Variants in RGS22 observed in about 807,000 individuals in gnomAD.
The protein encoded by RGS22 is regulator of G-protein signaling 22.
RGS22 carries 148 observed loss-of-function variants against 172.9 expected under a neutral mutation model. The observed-to-expected ratio is 0.86, with a 90% confidence interval of 0.75 to 0.98. RGS22 has a LOEUF of 0.98. Among genes scored for constraint, RGS22 ranks in the 50% least tolerant of loss-of-function variants. The probability of loss-of-function intolerance (pLI) is 0.00; values close to 1 mark genes in which losing one functional copy is unlikely to be tolerated. For missense variants in RGS22, 1,347 were observed against 1,440.8 expected, an observed-to-expected ratio of 0.93 and a Z score of 1.05; for synonymous variants, 458 against 480.2, an observed-to-expected ratio of 0.95 and a Z score of 0.60.
chr8:100,066,217 C>G lies in RGS22; in HGVS notation c.674G>C (p.Cys225Ser), dbSNP rs1330408632. The change falls in exon 7 of 28, where the codon TGT (cysteine) becomes TCT (serine). Residue 225 changes from cysteine (C) to serine (S), a missense_variant. Physicochemically the swap from Cys to Ser is moderately radical, Grantham distance 112. Coordinates refer to ENST00000360863, the MANE Select transcript of RGS22 (RefSeq NM_015668.5). ...TTTAAGTTTGTTGTAGGGTACACAA[C>G]AGGGTAACGAAAAGGTTGATACTGT... is the stretch of plus-strand genomic sequence containing the variant. ...QQTVSTFSLP[C>S]CVPYNKLKSP... The G allele has an allele frequency of 3.1e-6, 5 of 1,613,524 alleles. No homozygotes were observed. Among genetic ancestry groups the G allele is most frequent in the Non-Finnish European group, 4.2e-6 (5 of 1,179,556 alleles).
intron 6 of RGS22, among the ~76,000 whole-genome samples, chr8:100,070,652 TATA>T (rs1237807522): frequency 6.6e-6 from 1 of 152,240 alleles, no homozygotes; most frequent in Non-Finnish European, 1.5e-5. Context: ...TTTAATGGTG[TATA>T]ATGTGTTATT....
At chr8:99,991,882 C>T (rs1813766570) in intron 20 of RGS22, among the ~76,000 whole-genome samples, 1 of 152,150 alleles carries the variant, frequency 6.6e-6, no homozygotes, top group South Asian at 2.1e-4. Context: ...TCGAGTTACC[C>T]ACAAAGGGAG....
intron 9 of RGS22, among the ~76,000 whole-genome samples, chr8:100,055,782 G>C (rs1225090672): frequency 6.6e-6 from 1 of 152,138 alleles, no homozygotes; most frequent in African/African-American, 2.4e-5. Context: ...CCATGATTGT[G>C]AGGCCTTTCC....
intron 19 of RGS22, among the ~76,000 whole-genome samples, chr8:99,998,124 T>A (rs1172815969): frequency 6.6e-6 from 1 of 152,220 alleles, no homozygotes; most frequent in African/African-American, 2.4e-5. Flanking sequence ...TCATAACTTA[T>A]CTAATTCTTC....
chr8:100,008,162 C>T (rs1221328394), intron 15 of RGS22, among the ~76,000 whole-genome samples: 4 of 151,840 alleles, frequency 2.6e-5, no homozygotes, highest in Non-Finnish European at 2.9e-5. Context: ...CTCAGACTCC[C>T]AAGTAGCTGG....
rs768048587 is a variant in RGS22 at position 100,047,509 on chromosome 8, C to T, written c.1777G>A (p.Glu593Lys). The change falls in exon 11 of 28, where the codon GAG becomes AAG. Residue 593 changes from glutamate to lysine, a missense_variant. Physicochemically the swap from Glu to Lys is moderately conservative, Grantham distance 56. Coordinates refer to ENST00000360863, the MANE Select transcript of RGS22 (RefSeq NM_015668.5). The part of the protein sequence containing the change: ...KTATQKPWKR[E>K]LLYPGSSKDD... ...TTAGAAGAACCTGGATACAAAAGCT[C>T]CCGCTTCCAAGGCTTTTGAGTTGCT... 3.1e-5 allele frequency: 50 copies of T among 1,612,128 alleles called. No individual in the cohort carries two copies. The highest frequency in any genetic ancestry group is 4.2e-5 in the Non-Finnish European group (49 of 1,179,230).
intron 23 of RGS22, among the ~76,000 whole-genome samples, chr8:99,974,138 T>C (rs1811669327): frequency 6.6e-6 from 1 of 152,208 alleles, no homozygotes; most frequent in Non-Finnish European, 1.5e-5. Flanking sequence ...CTAAGCAGAA[T>C]GGAGCCTGGT....
At chr8:100,020,414 C>A (rs967422756) in intron 14 of RGS22, among the ~76,000 whole-genome samples, 2 of 152,138 alleles carry the variant, frequency 1.3e-5, no homozygotes, top group African/African-American at 4.8e-5. Flanking sequence ...TGTGCAGGAC[C>A]TGGTGATTCT....
intron 2 of RGS22, among the ~76,000 whole-genome samples, chr8:100,094,647 T>C (rs920536545): frequency 6.6e-6 from 1 of 152,230 alleles, no homozygotes; most frequent in African/African-American, 2.4e-5. Flanking sequence ...TTAGTAGTAG[T>C]ACCTTAGTAG....
chr8:99,987,820 A>G (rs527300908), intron 20 of RGS22, among the ~76,000 whole-genome samples: 29 of 152,212 alleles, frequency 1.9e-4, no homozygotes, highest in Non-Finnish European at 2.8e-4. Context: ...AAAAGAAATG[A>G]CTAGATGATT....
Position 99,999,249 on chromosome 8 carries a change from C to G in RGS22, c.2949+13G>C, listed in dbSNP as rs766617132. 6.2e-6 allele frequency: 10 copies of G among 1,609,148 alleles called. No individual in the cohort carries two copies. In the East Asian group the frequency reaches 2.0e-4, roughly 32 times the overall value. ...TGACAACTGCTATCAAAAGATTATA[C>G]TAATTTATATACCTTTATCTTCTGA... On this transcript the variant is annotated intron_variant, in intron 19 of 27. Transcript: ENST00000360863.
intron 9 of RGS22, among the ~76,000 whole-genome samples, chr8:100,054,075 C>T (rs909200597): frequency 1.3e-5 from 2 of 152,096 alleles, no homozygotes; most frequent in African/African-American, 4.8e-5. Flanking sequence ...CTGACAGAAA[C>T]TTAGGGAAAA....
chr8:100,090,632 G>T (rs996662622), intron 3 of RGS22, among the ~76,000 whole-genome samples: 2 of 152,122 alleles, frequency 1.3e-5, no homozygotes, highest in African/African-American at 2.4e-5. Flanking sequence ...ATGTGTTGAG[G>T]TTGTTATTTT....
Position 100,072,209 on chromosome 8 carries a change from T to C in RGS22, c.361A>G (p.Ile121Val), listed in dbSNP as rs369843131. The C allele has an allele frequency of 2.1e-5, 34 of 1,598,178 alleles. No individual in the cohort carries two copies. Among genetic ancestry groups the C allele is most frequent in the African/African-American group, 1.9e-4 (14 of 73,894 alleles). The part of the protein sequence containing the change: ...NIMCLSREEG[I>V]KWIKKERLPA... ...AGTCTTTCTTTTTTGATCCACTTAA[T>C]ACCTTCTTCACGACTGAGACACTAT... The change falls in exon 5 of 28, where the codon ATT becomes GTT. Residue 121 changes from isoleucine to valine, a missense_variant. Physicochemically the swap from Ile to Val is conservative, Grantham distance 29. Coordinates refer to ENST00000360863, the MANE Select transcript of RGS22 (RefSeq NM_015668.5).
intron 13 of RGS22, 69 bp downstream of exon 13, chr8:100,039,889 CTTAA>C: frequency 1.1e-6 from 1 of 903,694 alleles, no homozygotes; most frequent in Admixed American, 3.7e-5. Context: ...TATGTGAGCA[CTTAA>C]TTATTTTGAT....
At position 99,987,457 on chromosome 8, in the gene RGS22, C is replaced by A. The variant is rs1210632949; in HGVS notation, c.3180+1G>T. Reference sequence around the variant, plus strand: ...GTTTTCTCTAGCTCCCAATACAATACCTTATATTTTTGTACTTCTTGCCAA... The same window carrying A: ...GTTTTCTCTAGCTCCCAATACAATAACTTATATTTTTGTACTTCTTGCCAA... On this transcript the variant is annotated splice_donor_variant, in intron 21 of 27. Transcript: ENST00000360863. LOFTEE classifies it high-confidence loss of function. The A allele has an allele frequency of 1.3e-6, 2 of 1,599,258 alleles. No individual in the cohort carries two copies. Among genetic ancestry groups the A allele is most frequent in the African/African-American group, 1.3e-5 (1 of 74,614 alleles).
At chr8:99,978,211 T>C (rs1273126660) in intron 22 of RGS22, 136 bp from the exon 23 acceptor site, 1 of 489,386 alleles carries the variant, frequency 2.0e-6, no homozygotes, top group Non-Finnish European at 3.5e-6. Context: ...CCAGACATCT[T>C]GGTATAGTTT....
Position 100,093,229 on chromosome 8 carries a change from T to G in RGS22, c.117+218A>C, listed in dbSNP as rs943486073. 5.9e-5 allele frequency: 26 copies of G among 443,430 alleles called. No individual in the cohort carries two copies. The East Asian group carries it at 1.0e-3, about 18-fold the overall frequency. The allele number at this position is 443,430 out of a possible 1,614,324, so 27.5% of individuals were successfully genotyped here. On this transcript the variant is annotated intron_variant, in intron 3 of 27. Coordinates refer to ENST00000360863, the MANE Select transcript of RGS22 (RefSeq NM_015668.5). Reference sequence around the variant, plus strand: ...AGAGTTTGTACAGAATGCTTTTTAATGGTTAGAAAAACTCCAGATTTCTTC... The same window carrying G: ...AGAGTTTGTACAGAATGCTTTTTAAGGGTTAGAAAAACTCCAGATTTCTTC...
chr8:99,964,071 C>T (rs1167971255), intron 24 of RGS22, among the ~76,000 whole-genome samples: 1 of 104,950 alleles, frequency 9.5e-6, no homozygotes, highest in Non-Finnish European at 1.7e-5. Context: ...TCATCCCTTT[C>T]TCTCTCTCTC....
Sources: allele counts gnomAD v4.1 joint callset (sites outside exome capture counted in the v4.1 genomes callset), GRCh38; gene constraint gnomAD v4.1.1; transcripts MANE v1.5; gene names NCBI Gene and HGNC (gene_info 2026-07-23, HGNC 2026-07-21).